Variants in ADGRE3 observed in about 807,000 individuals in gnomAD.
ADGRE3 encodes the protein adhesion G protein-coupled receptor E3, also known as EGF-like module receptor 3.
In ADGRE3, 88 loss-of-function variants were observed where a neutral mutation model predicts 80.1. The observed-to-expected ratio is 1.10, with a 90% CI of 0.93 to 1.31. The LOEUF is 1.31. Ranked by LOEUF, ADGRE3 falls within the 40% of genes most tolerant of loss-of-function variation. The pLI is 0.00. For synonymous variants in ADGRE3, 281 were observed against 294.8 expected (o/e 0.95, Z 0.48); for missense variants, 715 against 776.5 (o/e 0.92, Z 0.94).
At chr19:14,668,250 C>T (rs944651249) in intron 2 of ADGRE3, among the ~76,000 whole-genome samples, 3 of 150,574 alleles carry the variant, frequency 2.0e-5, no homozygotes, top group Non-Finnish European at 4.4e-5. Context: ...GACTCTGTCT[C>T]AAAAAAAGAA....
intron 15 of ADGRE3, among the ~76,000 whole-genome samples, chr19:14,623,438 A>T (rs913156058): frequency 6.6e-6 from 1 of 152,160 alleles, no homozygotes; most frequent in Non-Finnish European, 1.5e-5. Context: ...AAAAAGCCAA[A>T]TATGGAACGA....
At chr19:14,664,729 A>T (rs1972044923) in intron 2 of ADGRE3, among the ~76,000 whole-genome samples, 1 of 151,998 alleles carries the variant, frequency 6.6e-6, no homozygotes, top group South Asian at 2.1e-4. Flanking sequence ...GGACAAAAAA[A>T]TTTGAATTTG....
chr19:14,641,280 T>A, intron 10 of ADGRE3, 139 bp downstream of exon 10: 1 of 1,038,218 alleles, frequency 9.6e-7, no homozygotes, highest in Non-Finnish European at 1.4e-6. Context: ...AGCTACGATC[T>A]CAGAAGGGTA....
chr19:14,614,460 T>C (rs578087429), downstream of ADGRE3, among the ~76,000 whole-genome samples: 1 of 152,226 alleles, frequency 6.6e-6, no homozygotes. Flanking sequence ...GGAGCAACAG[T>C]TGGATAAAAA....
intron 4 of ADGRE3, among the ~76,000 whole-genome samples, chr19:14,661,543 A>G (rs1158519935): frequency 1.3e-5 from 2 of 152,096 alleles, no homozygotes; most frequent in African/African-American, 4.8e-5. Flanking sequence ...TCCATCTCCA[A>G]ACTATAGTTC....
At chr19:14,600,891 CTTTTTTTTT>C in the ADGRE3 span, among the ~76,000 whole-genome samples, 2 of 63,184 alleles carry the variant, frequency 3.2e-5, no homozygotes, top group Non-Finnish European at 5.9e-5. Flanking sequence ...GCTCGGCCTT[CTTTTTTTTT>C]TTTTTTTTTT....
chr19:14,607,054 C>T, the ADGRE3 span: 1 of 1,354,534 alleles, frequency 7.4e-7, no homozygotes, highest in Non-Finnish European at 9.6e-7. Flanking sequence ...AATGACAGGG[C>T]CCAGGAAGGG....
rs1303963497 is a variant in ADGRE3 at position 14,625,602 on chromosome 19, G to A, written c.1813-3C>T. Reference sequence around the variant, plus strand: ...CACTTTTGATATTGTTTCTGGACCTGGAACATCAAAGGAAATACCTGGATG... The same window carrying A: ...CACTTTTGATATTGTTTCTGGACCTAGAACATCAAAGGAAATACCTGGATG... On this transcript the variant is annotated splice_region_variant and splice_polypyrimidine_tract_variant and intron_variant, in intron 14 of 15. Coordinates refer to ENST00000253673, the MANE Select transcript of ADGRE3 (RefSeq NM_032571.5). 2.5e-6 allele frequency: 4 copies of A among 1,598,066 alleles called. No individual in the cohort carries two copies. The highest frequency in any genetic ancestry group is 3.4e-6 in the Non-Finnish European group (4 of 1,165,976).
downstream of ADGRE3, among the ~76,000 whole-genome samples, chr19:14,618,118 T>G (rs190185946): frequency 8.0e-4 from 122 of 152,260 alleles, no homozygotes; most frequent in Non-Finnish European, 1.6e-3. Context: ...TTTATTTGTT[T>G]TATATAGACA....
intron 11 of ADGRE3, among the ~76,000 whole-genome samples, chr19:14,634,021 C>T (rs1040814050): frequency 6.6e-6 from 1 of 152,100 alleles, no homozygotes; most frequent in African/African-American, 2.4e-5. Flanking sequence ...AAGTGATTTG[C>T]TCCCCTTGGC....
chr19:14,630,200 C>T lies in ADGRE3; in HGVS notation c.1651G>A (p.Ala551Thr), dbSNP rs1970842043. The T allele has an allele frequency of 1.3e-6, 2 of 1,599,752 alleles. No homozygotes were observed. Among genetic ancestry groups the T allele is most frequent in the East Asian group, 4.5e-5 (2 of 44,790 alleles). Residue 551 changes from alanine (A) to threonine (T), a missense_variant, in exon 14 of 16, where the codon GCT (alanine) becomes ACT (threonine). Transcript: ENST00000253673. ...VSTIQNTRML[A>T]FKATAQLFIL... is the part of the protein sequence containing the mutation. ...AAGAGCTGAGCTGTTGCTTTGAAAG[C>T]CAGCATCCTGGGAGGAGGAAGTCAG... is the stretch of plus-strand genomic sequence containing the variant.
intron 3 of ADGRE3, among the ~76,000 whole-genome samples, chr19:14,663,056 G>A (rs1971997123): frequency 6.6e-6 from 1 of 152,062 alleles, no homozygotes; most frequent in South Asian, 2.1e-4. Flanking sequence ...AGGCTGGAGT[G>A]CAGTGGTGCA....
At chr19:14,646,864 G>T (rs1040819276) in intron 8 of ADGRE3, among the ~76,000 whole-genome samples, 1 of 151,762 alleles carries the variant, frequency 6.6e-6, no homozygotes, top group Non-Finnish European at 1.5e-5. Context: ...TCCAACTCCT[G>T]GGCTCAAGCA....
downstream of ADGRE3, among the ~76,000 whole-genome samples, chr19:14,617,341 C>CCTCCCTTCCTTTCTTTCTTTCTTT: frequency 1.7e-5 from 1 of 57,170 alleles, no homozygotes; most frequent in African/African-American, 5.9e-5. Context: ...TCCCTCCCTC[C>CCTCCCTTCCTTTCTTTCTTTCTTT]CTTTCTTTCT....
intron 4 of ADGRE3, among the ~76,000 whole-genome samples, chr19:14,660,813 G>A (rs1971926426): frequency 6.6e-6 from 1 of 151,834 alleles, no homozygotes; most frequent in African/African-American, 2.4e-5. Context: ...GCTCAAACTG[G>A]GCCAATGTAT....
intron 9 of ADGRE3, among the ~76,000 whole-genome samples, chr19:14,643,086 C>A (rs1971296539): frequency 6.8e-6 from 1 of 147,146 alleles, no homozygotes; most frequent in Non-Finnish European, 1.5e-5. Context: ...TCACCAGCAT[C>A]TGTTATTTTT....
At chr19:14,662,168 A>G (rs1454319340) in intron 3 of ADGRE3, 50 bp from the exon 4 acceptor site, 1 of 1,587,412 alleles carries the variant, frequency 6.3e-7, no homozygotes, top group Non-Finnish European at 8.6e-7. Context: ...AGATTTATTG[A>G]GCAGCTACTA....
downstream of ADGRE3, among the ~76,000 whole-genome samples, chr19:14,617,341 C>CCTCCCTCCCTCCCTCTCTTT: frequency 2.3e-4 from 13 of 57,168 alleles, no homozygotes; most frequent in African/African-American, 6.5e-4. Flanking sequence ...TCCCTCCCTC[C>CCTCCCTCCCTCCCTCTCTTT]CTTTCTTTCT....
At chr19:14,620,911 G>A (rs1970589313) in intron 15 of ADGRE3, among the ~76,000 whole-genome samples, 1 of 151,976 alleles carries the variant, frequency 6.6e-6, no homozygotes, top group Non-Finnish European at 1.5e-5. Flanking sequence ...CCAATAACTG[G>A]AATGCTGGCA....
Sources: allele counts gnomAD v4.1 joint callset (sites outside exome capture counted in the v4.1 genomes callset), GRCh38; gene constraint gnomAD v4.1.1; transcripts MANE v1.5; gene names NCBI Gene and HGNC (gene_info 2026-07-23, HGNC 2026-07-21).